The following NPEPPS variants were observed in gnomAD, a reference collection of about 807,000 sequenced individuals.
The protein encoded by NPEPPS is aminopeptidase puromycin sensitive.
A neutral mutation model predicts 115.5 loss-of-function variants in NPEPPS; 14 were observed. The ratio of observed to expected loss-of-function variants is 0.12; its 90% CI spans 0.08 to 0.19. NPEPPS has a LOEUF of 0.19. NPEPPS is among the 10% of genes least tolerant of loss of function. The pLI is 1.00. For synonymous variants in NPEPPS, 285 were observed against 390.6 expected (o/e 0.73, Z 3.19); for missense variants, 523 against 1,110.8 (o/e 0.47, Z 7.52).
chr17:47,553,892 A>C (rs570692553), intron 2 of NPEPPS, among the ~76,000 whole-genome samples: 11 of 151,930 alleles, frequency 7.2e-5, no homozygotes, highest in Non-Finnish European at 1.0e-4. Flanking sequence ...CTGGGACTAC[A>C]GGCGCATGCC....
chr17:47,531,651 G>C (rs2143649057), intron 1 of NPEPPS, 96 bp downstream of exon 1: 1 of 1,395,274 alleles, frequency 7.2e-7, no homozygotes, highest in East Asian at 3.1e-5. Flanking sequence ...GGGCGGGCGG[G>C]CCTCGGGTCG....
At chr17:47,613,200 C>G (rs770264668) in intron 18 of NPEPPS, among the ~76,000 whole-genome samples, 1 of 151,550 alleles carries the variant, frequency 6.6e-6, no homozygotes, top group Non-Finnish European at 1.5e-5. Flanking sequence ...TGTGGTTGCT[C>G]ACAGGCACTG....
chr17:47,593,929 T>TGGAC (rs2143883387), intron 12 of NPEPPS, among the ~76,000 whole-genome samples: 1 of 152,266 alleles, frequency 6.6e-6, no homozygotes, highest in South Asian at 2.1e-4. Context: ...CTGGGGCAGG[T>TGGAC]GGACTGCTTG....
At chr17:47,536,588 T>C (rs1282150142) in intron 1 of NPEPPS, among the ~76,000 whole-genome samples, 1 of 151,396 alleles carries the variant, frequency 6.6e-6, no homozygotes, top group Non-Finnish European at 1.5e-5. Flanking sequence ...AGAGACGGGG[T>C]TTCTCCATGT....
chr17:47,619,415 G>A (rs957747272), intron 21 of NPEPPS: 54 of 516,466 alleles, frequency 1.0e-4, no homozygotes, highest in African/African-American at 9.6e-4. Context: ...TTAGCTGAGC[G>A]TGGTGGTGTG....
chr17:47,561,395 G>T (rs1017454073), intron 2 of NPEPPS, among the ~76,000 whole-genome samples: 1 of 147,504 alleles, frequency 6.8e-6, no homozygotes, highest in Non-Finnish European at 1.5e-5. Context: ...ATGATATTAC[G>T]ATATATATGT....
chr17:47,584,782 G>T (rs1448284373), intron 5 of NPEPPS, among the ~76,000 whole-genome samples: 1 of 152,010 alleles, frequency 6.6e-6, no homozygotes, highest in Non-Finnish European at 1.5e-5. Context: ...GAATGCCCTC[G>T]ATCTAGAAGT....
intron 16 of NPEPPS, 119 bp from the exon 17 acceptor site, chr17:47,605,214 T>C (rs1913442658): frequency 9.4e-6 from 6 of 638,452 alleles, no homozygotes; most frequent in Non-Finnish European, 1.7e-5. Flanking sequence ...TCTGAGCTTA[T>C]ACAGTCCCAT....
chr17:47,530,295 A>T (rs1183251472), upstream of NPEPPS, among the ~76,000 whole-genome samples: 2 of 150,452 alleles, frequency 1.3e-5, no homozygotes, highest in Admixed American at 6.7e-5. Context: ...CAGTTTTTGA[A>T]ATCACTCCCT....
intron 22 of NPEPPS, 34 bp from the exon 23 acceptor site, chr17:47,621,734 T>C: frequency 1.3e-6 from 2 of 1,576,030 alleles, no homozygotes; most frequent in South Asian, 2.3e-5. Flanking sequence ...TTATTGCTAG[T>C]AATGATCCTG....
rs111382357 is a variant in NPEPPS, at chr17:47,550,882, C to T, written c.340+4889C>T. Among the ~76,000 whole-genome samples the T allele has an allele frequency of 9.6e-3, 1,456 of 152,186 alleles. 27 individuals carry two copies. The highest frequency in any genetic ancestry group is 0.034 in the African/African-American group (1,419 of 41,534). ...CCTCAGGTGATCCACCTACCTCGGC[C>T]TCCCAAAGTGCTGGGATTACCAGGC... On this transcript the variant is annotated intron_variant, in intron 2 of 22. Coordinates refer to ENST00000322157, the MANE Select transcript of NPEPPS (RefSeq NM_006310.4).
chr17:47,611,371 A>G (rs572342408), intron 17 of NPEPPS, among the ~76,000 whole-genome samples: 4 of 149,758 alleles, frequency 2.7e-5, no homozygotes, highest in Non-Finnish European at 4.4e-5. Flanking sequence ...GAGGTAGAGA[A>G]TTGCTTGAAC....
At position 47,596,377 on chromosome 17, in the gene NPEPPS, A is replaced by G. The variant is rs777635759; in HGVS notation, c.1451A>G (p.Asn484Ser). ...ATEDLWESLE[N>S]ASGKPIAAVM... The stretch of plus-strand genomic sequence containing the variant: ...GAGGATCTCTGGGAAAGTTTAGAAA[A>G]TGCTAGTGGTAAACCTATAGCAGCT... Residue 484 changes from asparagine to serine, a missense_variant, in exon 13 of 23, where the codon AAT becomes AGT. Physicochemically the swap from Asn to Ser is conservative, Grantham distance 46 (BLOSUM62 1). Around this residue, in one of 4 missense-constraint regions of NPEPPS, gnomAD observed 372 missense variants for 542.6 expected, o/e 0.69. Transcript: ENST00000322157. The G allele has an allele frequency of 5.7e-6, 9 of 1,587,082 alleles. No homozygotes were observed. The highest frequency in any genetic ancestry group is 1.8e-5 in the Admixed American group (1 of 56,520).
At chr17:47,613,899 G>C (rs564851601) in intron 19 of NPEPPS, among the ~76,000 whole-genome samples, 174 bp downstream of exon 19, 1 of 136,408 alleles carries the variant, frequency 7.3e-6, no homozygotes, top group South Asian at 2.3e-4. Flanking sequence ...TGTTATATCA[G>C]TATTATCAGT....
chr17:47,619,642 G>C, intron 21 of NPEPPS, 95 bp from the exon 22 acceptor site: 2 of 990,076 alleles, frequency 2.0e-6, no homozygotes, highest in Admixed American at 3.6e-5. Context: ...ACAGACTGAA[G>C]TTGGCAGAGA....
At chr17:47,540,071 T>G (rs987542601) in intron 1 of NPEPPS, among the ~76,000 whole-genome samples, 7 of 152,198 alleles carry the variant, frequency 4.6e-5, no homozygotes, top group African/African-American at 7.2e-5. Context: ...AGGAAAATGT[T>G]ATCTCCGATT....
chr17:47,604,154 T>C, intron 16 of NPEPPS, 105 bp downstream of exon 16: 1 of 1,090,860 alleles, frequency 9.2e-7, no homozygotes, highest in Non-Finnish European at 1.3e-6. Flanking sequence ...GTCTTCATGA[T>C]GGTTAAAAAC....
chr17:47,562,128 A>G (rs1303482319), intron 2 of NPEPPS, among the ~76,000 whole-genome samples: 1 of 152,188 alleles, frequency 6.6e-6, no homozygotes, highest in Non-Finnish European at 1.5e-5. Context: ...ATTCTTTATA[A>G]TAAACCAGTA....
chr17:47,536,190 C>G (rs1177981848), intron 1 of NPEPPS, among the ~76,000 whole-genome samples: 3 of 151,998 alleles, frequency 2.0e-5, no homozygotes, highest in Non-Finnish European at 4.4e-5. Context: ...GTTTATCATT[C>G]AAGGCCAGAA....
Sources: allele counts gnomAD v4.1 joint callset (sites outside exome capture counted in the v4.1 genomes callset), GRCh38; gene constraint gnomAD v4.1.1; regional missense constraint gnomAD v4.1.1; transcripts MANE v1.5; gene names NCBI Gene and HGNC (gene_info 2026-07-23, HGNC 2026-07-21).